Variants in PTPRD observed in about 807,000 individuals in gnomAD.
PTPRD encodes protein tyrosine phosphatase receptor type D, also known as receptor-type tyrosine-protein phosphatase delta.
PTPRD carries 34 observed loss-of-function variants against 214.5 expected under a neutral mutation model. The ratio of observed to expected loss-of-function variants is 0.16; its 90% CI spans 0.12 to 0.21. The LOEUF (loss-of-function observed/expected upper bound fraction) is 0.21. Ranked by LOEUF, PTPRD falls within the 10% of genes least tolerant of loss-of-function variation. The pLI, the probability that PTPRD is intolerant of heterozygous loss-of-function variation, is 1.00. For synonymous variants in PTPRD, 1,128 were observed against 845.7 expected (o/e 1.33, Z -5.79); for missense variants, 2,545 against 2,398.7 (o/e 1.06, Z -1.27).
In PTPRD at chr9:8,996,742, T is replaced by G. The variant is rs556411589; in HGVS notation, c.-104+21955A>C. Among the ~76,000 whole-genome samples the G allele has an allele frequency of 2.0e-5, 3 of 152,150 alleles. No homozygotes were observed. The East Asian group carries it at 5.8e-4, about 30-fold the overall frequency. ...CTCTTTTATAAGGACAGTAATTCCT[T>G]TAGCCAAACAGGCTGAGCCTCATGG... On this transcript the variant is annotated intron_variant, in intron 11 of 45. Transcript: ENST00000381196.
At chr9:8,373,086 C>T (rs376657274) in intron 39 of PTPRD, among the ~76,000 whole-genome samples, 5 of 152,016 alleles carry the variant, frequency 3.3e-5, no homozygotes, top group Admixed American at 6.6e-5. Context: ...ATCAGTATCC[C>T]TTTGTAACAT....
intron 3 of PTPRD, among the ~76,000 whole-genome samples, chr9:10,299,870 T>C (rs2095807024): frequency 6.6e-6 from 1 of 152,214 alleles, no homozygotes; most frequent in Non-Finnish European, 1.5e-5. Context: ...CCATTAAATA[T>C]ATTAATGCAT....
At chr9:8,669,077 G>A (rs2097225128) in intron 12 of PTPRD, among the ~76,000 whole-genome samples, 1 of 152,078 alleles carries the variant, frequency 6.6e-6, no homozygotes, top group Admixed American at 6.5e-5. Context: ...ATGGGAAAGG[G>A]GAGGGAGGTA....
At chr9:8,927,476 G>C (rs555558740) in intron 11 of PTPRD, among the ~76,000 whole-genome samples, 1 of 152,070 alleles carries the variant, frequency 6.6e-6, no homozygotes, top group African/African-American at 2.4e-5. Flanking sequence ...TCCTGTTCCT[G>C]TGTTAGTTTG....
At chr9:9,088,659 A>G (rs1224829061) in intron 10 of PTPRD, among the ~76,000 whole-genome samples, 2 of 151,404 alleles carry the variant, frequency 1.3e-5, no homozygotes, top group African/African-American at 4.9e-5. Flanking sequence ...TACTTTACAA[A>G]TATTAACACA....
intron 5 of PTPRD, among the ~76,000 whole-genome samples, chr9:9,916,418 G>C (rs573776613): frequency 6.6e-6 from 1 of 151,922 alleles, no homozygotes; most frequent in African/African-American, 2.4e-5. Flanking sequence ...TCAATCAAAT[G>C]ATAGGTGTAC....
At chr9:9,758,253 G>C (rs10977951) in intron 6 of PTPRD, among the ~76,000 whole-genome samples, 9 of 150,158 alleles carry the variant, frequency 6.0e-5, no homozygotes, top group African/African-American at 2.2e-4. Flanking sequence ...ATTCAATGTA[G>C]CTCTCTTACT....
intron 2 of PTPRD, among the ~76,000 whole-genome samples, chr9:10,586,195 T>G (rs1259542415): frequency 6.6e-6 from 1 of 152,036 alleles, no homozygotes; most frequent in Admixed American, 6.6e-5. Context: ...CAATCTGCAA[T>G]GAAAGATACA....
chr9:8,692,619 C>A (rs1209285416), intron 12 of PTPRD, among the ~76,000 whole-genome samples: 1 of 152,130 alleles, frequency 6.6e-6, no homozygotes, highest in East Asian at 1.9e-4. Context: ...TTGAAATTAG[C>A]CCTATCTGTC....
chr9:10,378,040 T>C (rs1404015569), intron 2 of PTPRD, among the ~76,000 whole-genome samples: 3 of 152,040 alleles, frequency 2.0e-5, no homozygotes, highest in African/African-American at 4.8e-5. Context: ...CATATGAGGG[T>C]TCCCTTTTCT....
At chr9:8,919,292 C>T (rs1404266519) in intron 11 of PTPRD, among the ~76,000 whole-genome samples, 3 of 151,136 alleles carry the variant, frequency 2.0e-5, no homozygotes, top group Admixed American at 6.6e-5. Context: ...ACTAGGGAGG[C>T]TGAGGCAGGA....
chr9:10,539,330 G>A (rs1348616835), intron 2 of PTPRD, among the ~76,000 whole-genome samples: 1 of 152,052 alleles, frequency 6.6e-6, no homozygotes, highest in Non-Finnish European at 1.5e-5. Flanking sequence ...GATTACAGGC[G>A]ACCGCCATCA....
chr9:9,348,343 T>C lies in PTPRD; in HGVS notation c.-203+49106A>G, dbSNP rs541600183. 9.3e-4 allele frequency among the ~76,000 whole-genome samples: 141 copies of C among 152,260 alleles called. 1 individual carries two copies. Among genetic ancestry groups the C allele is most frequent in the Middle Eastern group, 3.4e-3 (1 of 294 alleles). ...GTTTTCTACTTTAAAAACAAATGTC[T>C]TGGCTTTCCTCCAACATTTATTTTC... On this transcript the variant is annotated intron_variant, in intron 9 of 45. Transcript: ENST00000381196.
intron 3 of PTPRD, among the ~76,000 whole-genome samples, chr9:10,195,853 C>A (rs779064197): frequency 1.3e-5 from 2 of 152,098 alleles, no homozygotes; most frequent in African/African-American, 4.8e-5. Flanking sequence ...TATCTACCAA[C>A]ACGGATGAAT....
chr9:8,872,694 A>G (rs1165434770), intron 11 of PTPRD, among the ~76,000 whole-genome samples: 2 of 152,192 alleles, frequency 1.3e-5, no homozygotes, highest in Non-Finnish European at 2.9e-5. Context: ...TTTAAAAATA[A>G]ATCTATCATT....
At chr9:9,078,492 T>G (rs1460695872) in intron 10 of PTPRD, among the ~76,000 whole-genome samples, 1 of 152,092 alleles carries the variant, frequency 6.6e-6, no homozygotes, top group East Asian at 1.9e-4. Context: ...CAGCTCCACT[T>G]TGAATTCTTC....
intron 8 of PTPRD, among the ~76,000 whole-genome samples, chr9:9,452,012 A>C (rs1588828254): frequency 6.6e-6 from 1 of 151,572 alleles, no homozygotes; most frequent in Non-Finnish European, 1.5e-5. Context: ...AGTATAAAAA[A>C]TATTTCTAGA....
At chr9:9,073,686 T>C (rs1306138194) in intron 10 of PTPRD, among the ~76,000 whole-genome samples, 1 of 152,202 alleles carries the variant, frequency 6.6e-6, no homozygotes, top group Non-Finnish European at 1.5e-5. Flanking sequence ...GCTTGCCCTA[T>C]TAATTTTGGA....
intron 39 of PTPRD, among the ~76,000 whole-genome samples, chr9:8,367,710 TCA>T (rs1307534245): frequency 1.3e-5 from 2 of 152,208 alleles, no homozygotes; most frequent in Non-Finnish European, 2.9e-5. Context: ...GAACTCAAAC[TCA>T]CAGTCCAGAA....
Sources: allele counts gnomAD v4.1 joint callset (sites outside exome capture counted in the v4.1 genomes callset), GRCh38; gene constraint gnomAD v4.1.1; transcripts MANE v1.5; gene names NCBI Gene and HGNC (gene_info 2026-07-23, HGNC 2026-07-21).